Variants in RASA3 observed in about 807,000 individuals in gnomAD.
RASA3 encodes RAS p21 protein activator 3.
Under a neutral mutation model 110.0 loss-of-function variants are expected in RASA3, and 73 were observed. The observed-to-expected ratio is 0.66, with a 90% CI of 0.55 to 0.81. The LOEUF (loss-of-function observed/expected upper bound fraction) is 0.81. Ranked by LOEUF, RASA3 falls within the 30% of genes least tolerant of loss-of-function variation. The pLI, the probability that RASA3 is intolerant of heterozygous loss-of-function variation, is 0.00. For missense variants in RASA3, 976 were observed against 1,113.2 expected (o/e 0.88, Z 1.75); for synonymous variants, 500 against 451.4 (o/e 1.11, Z -1.37).
intron 18 of RASA3, among the ~76,000 whole-genome samples, chr13:114,002,020 T>C (rs1369807930): frequency 6.6e-6 from 1 of 152,160 alleles, no homozygotes; most frequent in East Asian, 1.9e-4. Flanking sequence ...TCGAACACCC[T>C]CCCGGCAGCC....
At chr13:114,128,335 C>T (rs1038991735) in intron 1 of RASA3, among the ~76,000 whole-genome samples, 1 of 152,258 alleles carries the variant, frequency 6.6e-6, no homozygotes, top group African/African-American at 2.4e-5. Context: ...ATTAAACAGA[C>T]CATCACCTAA....
chr13:114,021,080 ACC>A (rs1566490358), intron 9 of RASA3, among the ~76,000 whole-genome samples: 1 of 118,760 alleles, frequency 8.4e-6, no homozygotes, highest in Admixed American at 8.5e-5. Context: ...TCCCACTTTC[ACC>A]CAGGATCAGA....
At chr13:114,015,628 T>G (rs2053773672) in intron 13 of RASA3, among the ~76,000 whole-genome samples, 1 of 152,390 alleles carries the variant, frequency 6.6e-6, no homozygotes, top group African/African-American at 2.4e-5. Flanking sequence ...GGCAAAGAGC[T>G]CTGTCATTTA....
At chr13:114,098,758 G>T (rs910425910) in intron 1 of RASA3, among the ~76,000 whole-genome samples, 4 of 152,122 alleles carry the variant, frequency 2.6e-5, no homozygotes, top group African/African-American at 9.7e-5. Flanking sequence ...GCAGTGGAAG[G>T]CACAAGGGCG....
In RASA3 at chr13:114,073,782, G is replaced by A. The variant is rs764334070; in HGVS notation, c.111C>T (p.Tyr37=). 15 of 1,614,116 alleles carry A rather than the reference G, an allele frequency of 9.3e-6. No individual in the cohort carries two copies. The African/African-American group carries it at 1.7e-4, about 19-fold the overall frequency. ...CCTCCTGGTCCAGGTTCACCGTGCA[G>A]TAGCAATCCCTCATCTTGCTCGGCC... ...YPGPSKMRDC[Y]CTVNLDQEEV... is the part of the protein sequence containing the mutation. Residue 37 remains tyrosine, a synonymous_variant, in exon 2 of 24, where the codon TAC becomes TAT. Coordinates refer to ENST00000334062, the MANE Select transcript of RASA3 (RefSeq NM_007368.4).
rs1158787099 is a variant in RASA3 at position 114,011,425 on chromosome 13, C to T, written c.1513-177G>A. ...CTGGAGGGGGTGGGCGTCCCACAGT[C>T]TCAGGAGCTGCTGAGACCATCCCGC... is the stretch of plus-strand genomic sequence containing the variant. On this transcript the variant is annotated intron_variant, in intron 15 of 23. Transcript: ENST00000334062. This position sits in a 1 kb window ranked among gnomAD's most constrained non-coding sequence, Gnocchi z 4.8. Among the ~76,000 whole-genome samples the T allele has an allele frequency of 6.6e-6, 1 of 152,110 alleles. No homozygotes were observed. Among genetic ancestry groups the T allele is most frequent in the East Asian group, 1.9e-4 (1 of 5,180 alleles).
intron 2 of RASA3, among the ~76,000 whole-genome samples, chr13:114,055,044 G>C (rs886871185): frequency 1.3e-5 from 2 of 152,118 alleles, no homozygotes; most frequent in Non-Finnish European, 2.9e-5. Context: ...GTGTGTGCAT[G>C]CATGTGCCTG....
intron 1 of RASA3, among the ~76,000 whole-genome samples, chr13:114,121,732 C>T (rs1270817351): frequency 6.6e-6 from 1 of 152,250 alleles, no homozygotes; most frequent in Non-Finnish European, 1.5e-5. Context: ...AGACCAGTCC[C>T]TGAGTGCGGC....
intron 1 of RASA3, among the ~76,000 whole-genome samples, chr13:114,118,081 G>T (rs1225887840): frequency 6.6e-6 from 1 of 152,116 alleles, no homozygotes; most frequent in Non-Finnish European, 1.5e-5. Context: ...CACAATAGTA[G>T]CTCACCTCTG....
chr13:114,011,472 C>T lies in RASA3; in HGVS notation c.1513-224G>A, dbSNP rs567317521. Among the ~76,000 whole-genome samples the T allele has an allele frequency of 8.9e-4, 136 of 152,208 alleles. 2 individuals carry two copies. The highest frequency in any genetic ancestry group is 6.8e-3 in the Middle Eastern group (2 of 294). On this transcript the variant is annotated intron_variant, in intron 15 of 23. Coordinates refer to ENST00000334062, the MANE Select transcript of RASA3 (RefSeq NM_007368.4). The surrounding 1 kb of genome is among the most constrained non-coding windows in gnomAD (Gnocchi z 4.8). ...CCGCAGGCAACATCCGACGGCACCG[C>T]GGTGACCCACTCTCTCGGCCCAGCG... is the stretch of plus-strand genomic sequence containing the variant.
intron 14 of RASA3, among the ~76,000 whole-genome samples, chr13:114,013,834 GTC>G (rs1234990589): frequency 9.7e-5 from 9 of 92,480 alleles, no homozygotes; most frequent in South Asian, 7.8e-4. Context: ...CTCTCCGTCT[GTC>G]TCTCTCTCCA....
chr13:114,047,655 G>A (rs1042989587), intron 3 of RASA3, among the ~76,000 whole-genome samples: 2 of 152,280 alleles, frequency 1.3e-5, no homozygotes, highest in Non-Finnish European at 2.9e-5. Flanking sequence ...ACAATCCAGA[G>A]GGTGGATGAG....
chr13:114,132,336 G>C, intron 1 of RASA3, 99 bp downstream of exon 1: 2 of 1,260,802 alleles, frequency 1.6e-6, no homozygotes, highest in South Asian at 3.8e-5. Flanking sequence ...GGGCGTCTCC[G>C]CCGGGGTCCC....
At chr13:114,036,344 C>T (rs562607150) in intron 4 of RASA3, among the ~76,000 whole-genome samples, 13 of 152,386 alleles carry the variant, frequency 8.5e-5, no homozygotes, top group Non-Finnish European at 1.9e-4. Flanking sequence ...ATTTCTGTGA[C>T]TCACTTGCTG....
intron 3 of RASA3, among the ~76,000 whole-genome samples, chr13:114,043,483 C>T (rs924964847): frequency 3.9e-5 from 6 of 152,100 alleles, no homozygotes; most frequent in Non-Finnish European, 7.4e-5. Context: ...CAGCCAGGGC[C>T]GGCCAGTTCC....
intron 8 of RASA3, among the ~76,000 whole-genome samples, chr13:114,023,626 G>C (rs117867937): frequency 6.6e-6 from 1 of 152,230 alleles, no homozygotes; most frequent in Non-Finnish European, 1.5e-5. Flanking sequence ...CTGAGTCAGC[G>C]GGATCGTGGG....
chr13:114,033,127 A>C (rs1476612292), intron 4 of RASA3, among the ~76,000 whole-genome samples: 4 of 62,532 alleles, frequency 6.4e-5, no homozygotes, highest in African/African-American at 1.4e-4. Flanking sequence ...CGTTCCACGG[A>C]ACCCCCGCAC....
intron 1 of RASA3, among the ~76,000 whole-genome samples, chr13:114,081,431 G>A (rs1352383864): frequency 1.3e-5 from 2 of 152,340 alleles, no homozygotes; most frequent in South Asian, 2.1e-4. Flanking sequence ...CGCAGACCAC[G>A]GCCACCAGCA....
intron 8 of RASA3, among the ~76,000 whole-genome samples, chr13:114,023,329 C>A (rs1296438004): frequency 4.6e-5 from 7 of 151,970 alleles, no homozygotes; most frequent in African/African-American, 1.7e-4. Flanking sequence ...ACATCCCAGG[C>A]TCGGGGGCAT....
Sources: allele counts gnomAD v4.1 joint callset (sites outside exome capture counted in the v4.1 genomes callset), GRCh38; gene constraint gnomAD v4.1.1; non-coding constraint Gnocchi (gnomAD v3.1); transcripts MANE v1.5; gene names NCBI Gene and HGNC (gene_info 2026-07-23, HGNC 2026-07-21).